Variants in PPP2R5E observed in about 807,000 individuals in gnomAD.
PPP2R5E encodes the protein protein phosphatase 2 regulatory subunit B'epsilon, also known as serine/threonine-protein phosphatase 2A 56 kDa regulatory subunit epsilon isoform.
Under a neutral mutation model 65.3 loss-of-function variants are expected in PPP2R5E, and 4 were observed. That is an observed-to-expected ratio of 0.06 (90% CI 0.03 to 0.14). The LOEUF (loss-of-function observed/expected upper bound fraction) is 0.14, where lower values mean the gene tolerates loss of function less well. Among genes scored for constraint, PPP2R5E ranks in the 10% least tolerant of loss-of-function variants. PPP2R5E has a pLI of 1.00. For synonymous variants in PPP2R5E, 183 were observed against 187.4 expected (o/e 0.98, Z 0.19); for missense variants, 274 against 556.1 (o/e 0.49, Z 5.10).
intron 2 of PPP2R5E, among the ~76,000 whole-genome samples, chr14:63,509,203 T>C (rs1337920006): frequency 6.6e-6 from 1 of 152,058 alleles, no homozygotes; most frequent in East Asian, 1.9e-4. Context: ...ACCCCAGTTG[T>C]ATCTTAGTCT....
At chr14:63,389,208 C>A (rs1397619086) in intron 11 of PPP2R5E, among the ~76,000 whole-genome samples, 1 of 151,134 alleles carries the variant, frequency 6.6e-6, no homozygotes, top group East Asian at 1.9e-4. Context: ...AAGTATCTAG[C>A]ATAGTAAGGA....
intron 2 of PPP2R5E, among the ~76,000 whole-genome samples, chr14:63,456,159 G>A (rs944933152): frequency 1.3e-5 from 2 of 152,200 alleles, no homozygotes; most frequent in Non-Finnish European, 2.9e-5. Context: ...TTTTAATAAA[G>A]TCTAAAAATC....
chr14:63,525,259 A>G (rs1893141415), intron 2 of PPP2R5E, among the ~76,000 whole-genome samples: 1 of 152,220 alleles, frequency 6.6e-6, no homozygotes, highest in African/African-American at 2.4e-5. Flanking sequence ...GTCCACAGCC[A>G]TTCCAGAAAA....
At chr14:63,420,827 C>T (rs554353314) in intron 4 of PPP2R5E, among the ~76,000 whole-genome samples, 2 of 141,158 alleles carry the variant, frequency 1.4e-5, no homozygotes, top group Admixed American at 1.4e-4. Flanking sequence ...CCGAGGCGGG[C>T]GGATCACGAG....
chr14:63,404,244 C>G lies in PPP2R5E; in HGVS notation c.550-7528G>C, dbSNP rs536119466. On this transcript the variant is annotated intron_variant, in intron 5 of 13. Coordinates refer to ENST00000337537, the MANE Select transcript of PPP2R5E (RefSeq NM_006246.5). ...AGCAAAACAACCCAGTTGCTCTCTG[C>G]TATAATAAAGAATTACCCTGCCCTA... Among the ~76,000 whole-genome samples the G allele has an allele frequency of 2.0e-5, 3 of 152,286 alleles. No homozygotes were observed. The East Asian group carries it at 5.8e-4, about 29-fold the overall frequency.
chr14:63,447,176 T>C (rs1888527441), intron 3 of PPP2R5E, among the ~76,000 whole-genome samples: 1 of 152,218 alleles, frequency 6.6e-6, no homozygotes, highest in Admixed American at 6.5e-5. Context: ...AGAGTCAGCC[T>C]GGCCCAAGCT....
At chr14:63,428,933 T>C (rs1887480924) in intron 3 of PPP2R5E, among the ~76,000 whole-genome samples, 1 of 152,178 alleles carries the variant, frequency 6.6e-6, no homozygotes, top group Non-Finnish European at 1.5e-5. Flanking sequence ...TTAAGGAAAA[T>C]ATTATAATAG....
intron 12 of PPP2R5E, among the ~76,000 whole-genome samples, chr14:63,383,263 A>G (rs969630958): frequency 4.6e-5 from 7 of 152,232 alleles, no homozygotes; most frequent in Non-Finnish European, 8.8e-5. Flanking sequence ...ACATGCTCCT[A>G]ATACCACTGA....
chr14:63,516,943 A>G (rs925110073), intron 2 of PPP2R5E, among the ~76,000 whole-genome samples: 5 of 152,176 alleles, frequency 3.3e-5, no homozygotes, highest in Non-Finnish European at 5.9e-5. Flanking sequence ...TTTTGCTTAA[A>G]CAATTTAGTC....
chr14:63,541,458 A>C (rs1384266353), intron 1 of PPP2R5E, among the ~76,000 whole-genome samples: 1 of 152,256 alleles, frequency 6.6e-6, no homozygotes, highest in Non-Finnish European at 1.5e-5. Context: ...TCGAGTTATT[A>C]AAATGAAGGC....
At chr14:63,478,325 A>ATT (rs990277886) in intron 2 of PPP2R5E, among the ~76,000 whole-genome samples, 6 of 152,214 alleles carry the variant, frequency 3.9e-5, no homozygotes, top group Non-Finnish European at 7.3e-5. Flanking sequence ...AATATGGATT[A>ATT]TATCTACCAA....
chr14:63,463,600 CTTT>C (rs534076468), intron 2 of PPP2R5E, among the ~76,000 whole-genome samples: 1 of 139,198 alleles, frequency 7.2e-6, no homozygotes. Context: ...CTCGAATTCG[CTTT>C]TTTTTTTTTT....
intron 2 of PPP2R5E, among the ~76,000 whole-genome samples, chr14:63,505,558 G>T (rs1892120662): frequency 6.6e-6 from 1 of 152,158 alleles, no homozygotes; most frequent in Non-Finnish European, 1.5e-5. Context: ...AGTTCTTCAA[G>T]CTCGTCTGCC....
intron 5 of PPP2R5E, among the ~76,000 whole-genome samples, chr14:63,397,715 T>C (rs1046489361): frequency 9.2e-5 from 14 of 151,590 alleles, no homozygotes; most frequent in Non-Finnish European, 4.4e-5. Flanking sequence ...GTATGTTATA[T>C]GTGAATAACT....
At chr14:63,470,800 G>A (rs371490068) in intron 2 of PPP2R5E, among the ~76,000 whole-genome samples, 23 of 125,300 alleles carry the variant, frequency 1.8e-4, no homozygotes, top group Admixed American at 4.2e-4. Context: ...GAGGTGGGAA[G>A]ATCAACACAG....
At chr14:63,455,406 T>C (rs991319452) in intron 2 of PPP2R5E, among the ~76,000 whole-genome samples, 1 of 152,176 alleles carries the variant, frequency 6.6e-6, no homozygotes, top group South Asian at 2.1e-4. Context: ...GTCCATATCT[T>C]TGAATGTATA....
chr14:63,441,843 G>A (rs1376210980), intron 3 of PPP2R5E, among the ~76,000 whole-genome samples: 1 of 151,604 alleles, frequency 6.6e-6, no homozygotes. Context: ...CTGGGAGGTG[G>A]AGCTTGCCGT....
At chr14:63,528,865 G>A (rs1257517110) in intron 2 of PPP2R5E, among the ~76,000 whole-genome samples, 1 of 152,158 alleles carries the variant, frequency 6.6e-6, no homozygotes, top group Non-Finnish European at 1.5e-5. Flanking sequence ...ACAAGGCACT[G>A]TTCGAAGCCC....
intron 2 of PPP2R5E, among the ~76,000 whole-genome samples, chr14:63,485,794 T>C (rs927954903): frequency 2.6e-5 from 4 of 151,978 alleles, no homozygotes; most frequent in Non-Finnish European, 5.9e-5. Flanking sequence ...ATTAACACTA[T>C]TATCTTTGTC....
Sources: allele counts gnomAD v4.1 joint callset (sites outside exome capture counted in the v4.1 genomes callset), GRCh38; gene constraint gnomAD v4.1.1; transcripts MANE v1.5; gene names NCBI Gene and HGNC (gene_info 2026-07-23, HGNC 2026-07-21).